Variants in ACTR6 observed in about 807,000 individuals in gnomAD.
The protein encoded by ACTR6 is actin related protein 6.
Under a neutral mutation model 52.5 loss-of-function variants are expected in ACTR6, and 50 were observed. The ratio of observed to expected loss-of-function variants is 0.95; its 90% confidence interval spans 0.76 to 1.20. The LOEUF is 1.20. Ranked by LOEUF, ACTR6 falls within the 50% of genes most tolerant of loss-of-function variation. The pLI, the probability that ACTR6 is intolerant of heterozygous loss-of-function variation, is 0.00. For missense variants in ACTR6, 344 were observed against 472.4 expected, an observed-to-expected ratio of 0.73 and a Z score of 2.52; for synonymous variants, 135 against 147.2, an observed-to-expected ratio of 0.92 and a Z score of 0.60.
intron 3 of ACTR6, chr12:100,206,287 T>A (rs2096114561): frequency 6.6e-6 from 1 of 152,234 alleles, no homozygotes; most frequent in Non-Finnish European, 1.5e-5. Context: ...GAGACCAGCC[T>A]GGCCAACTGG....
intron 10 of ACTR6, among the ~76,000 whole-genome samples, chr12:100,221,265 A>G (rs1283217819): frequency 1.3e-5 from 2 of 152,194 alleles, no homozygotes; most frequent in Non-Finnish European, 2.9e-5. Context: ...AAGACCCCAC[A>G]TACCTGACTC....
chr12:100,222,821 G>C (rs2096129361), intron 10 of ACTR6, among the ~76,000 whole-genome samples: 1 of 152,174 alleles, frequency 6.6e-6, no homozygotes, highest in South Asian at 2.1e-4. Flanking sequence ...GTTGTAGATA[G>C]CAAAACCAAA....
intron 8 of ACTR6, among the ~76,000 whole-genome samples, chr12:100,216,667 T>G (rs530066737): frequency 1.3e-5 from 2 of 152,336 alleles, no homozygotes; most frequent in African/African-American, 4.8e-5. Context: ...TTATTTTGAA[T>G]GTTGATAAAA....
chr12:100,223,930 T>A lies in ACTR6; in HGVS notation c.*15T>A, dbSNP rs780395854. Reference sequence around the variant, plus strand: ...TTGATATTTAAGCAACATTTTTGAATGAAAGTTGTGACCATAAGGTTTAAT... The same window carrying A: ...TTGATATTTAAGCAACATTTTTGAAAGAAAGTTGTGACCATAAGGTTTAAT... On this transcript the variant is annotated 3_prime_UTR_variant, in exon 11 of 11. Transcript: ENST00000188312. 22 of 1,600,022 alleles carry A rather than the reference T, an allele frequency of 1.4e-5. No individual in the cohort carries two copies. The South Asian group carries it at 2.5e-4, about 18-fold the overall frequency.
intron 1 of ACTR6, 46 bp downstream of exon 1, chr12:100,200,965 G>A: frequency 1.2e-6 from 2 of 1,613,390 alleles, no homozygotes; most frequent in Non-Finnish European, 1.7e-6. Context: ...ACGCCTAGTG[G>A]TTTCATGTGC....
rs745981618 is a variant in ACTR6, at chr12:100,220,098, G to A, written c.1013G>A (p.Arg338Gln). ...GFRDRVYSEV[R>Q]CLTPTDYDVS... ...AGGGATCGGGTTTACTCAGAAGTTC[G>A]ATGTCTTACTCCAACAGATTATGAT... Residue 338 changes from arginine (R) to glutamine (Q), a missense_variant, in exon 10 of 11, where the codon CGA (arginine) becomes CAA (glutamine). Arg to Gln is a conservative substitution (Grantham distance 43). Transcript: ENST00000188312. The A allele has an allele frequency of 8.1e-6, 13 of 1,613,800 alleles. No homozygotes were observed. In the South Asian group the frequency reaches 9.9e-5, roughly 12 times the overall value.
intron 10 of ACTR6, among the ~76,000 whole-genome samples, chr12:100,220,637 C>A (rs1355107912): frequency 6.6e-6 from 1 of 152,114 alleles, no homozygotes; most frequent in African/African-American, 2.4e-5. Context: ...TGTTTTATGT[C>A]TACCCTGTAC....
rs755709664 is a variant in ACTR6 at position 100,219,983 on chromosome 12, TC to T, written c.923-23del. The stretch of plus-strand genomic sequence containing the variant: ...AGATTTTCTAATGCCTTTTTTCCTT[TC>T]CTTCTCCTTTTCTTCTTTTAAAGAA... On this transcript the variant is annotated intron_variant, in intron 9 of 10. Coordinates refer to ENST00000188312, the MANE Select transcript of ACTR6 (RefSeq NM_022496.5). 2.5e-5 allele frequency: 40 copies of T among 1,609,266 alleles called. No individual in the cohort carries two copies. In the African/African-American group the frequency reaches 5.2e-4, roughly 21 times the overall value.
In ACTR6 at chr12:100,205,021, C is replaced by A. The variant is rs779535184; in HGVS notation, c.150C>A (p.Asp50Glu). Residue 50 changes from aspartate (D) to glutamate (E), a missense_variant, in exon 2 of 11, where the codon GAC becomes GAA. By Grantham distance (45) the Asp-to-Glu change is conservative (BLOSUM62 2). Coordinates refer to ENST00000188312, the MANE Select transcript of ACTR6 (RefSeq NM_022496.5). ...CCAACCAGATAGATGAAATAAAAGACCCTTCTGGACTCTTTTACATCCTCC... is the reference window on the plus strand; with the variant it reads ...CCAACCAGATAGATGAAATAAAAGAACCTTCTGGACTCTTTTACATCCTCC... ...FTANQIDEIK[D>E]PSGLFYILPF... The A allele has an allele frequency of 1.2e-6, 2 of 1,607,532 alleles. No homozygotes were observed. The highest frequency in any genetic ancestry group is 1.7e-6 in the Non-Finnish European group (2 of 1,175,240).
At chr12:100,201,220 T>C (rs1300769475) in intron 1 of ACTR6, among the ~76,000 whole-genome samples, 1 of 152,222 alleles carries the variant, frequency 6.6e-6, no homozygotes, top group Admixed American at 6.5e-5. Context: ...GTAAAGTTCA[T>C]CAGCCTTTGG....
chr12:100,223,958 C>G lies in ACTR6; in HGVS notation c.*43C>G, dbSNP rs777640247. 22 of 1,573,616 alleles carry G rather than the reference C, an allele frequency of 1.4e-5. No individual in the cohort carries two copies. The Admixed American group carries it at 2.4e-4, about 17-fold the overall frequency. On this transcript the variant is annotated 3_prime_UTR_variant, in exon 11 of 11. Transcript: ENST00000188312. ...AAGTTGTGACCATAAGGTTTAATTTCAAAGTTCCTTTTAAAAGAGGTTAAG... is the reference window on the plus strand; with the variant it reads ...AAGTTGTGACCATAAGGTTTAATTTGAAAGTTCCTTTTAAAAGAGGTTAAG...
At position 100,200,816 on chromosome 12, in the gene ACTR6, G is replaced by A. The variant is rs770636787; in HGVS notation, c.-36G>A. 4.3e-6 allele frequency: 7 copies of A among 1,612,162 alleles called. No homozygotes were observed. In the African/African-American group the frequency reaches 9.3e-5, roughly 22 times the overall value. On this transcript the variant is annotated 5_prime_UTR_variant, in exon 1 of 11. Coordinates refer to ENST00000188312, the MANE Select transcript of ACTR6 (RefSeq NM_022496.5). ...AGCTCGAGCAGAGGGGTCGGAAAGG[G>A]AAAACAACTACGGCTGCGGTGTGGT...
At position 100,212,297 on chromosome 12, in the gene ACTR6, T is replaced by A. The variant is rs754049145; in HGVS notation, c.614T>A (p.Val205Glu). The A allele has an allele frequency of 1.2e-6, 2 of 1,612,054 alleles. No homozygotes were observed. Among genetic ancestry groups the A allele is most frequent in the Admixed American group, 3.4e-5 (2 of 59,670 alleles). The change falls in exon 7 of 11, where the codon GTG (valine) becomes GAG (glutamate). Residue 205 changes from valine (V) to glutamate (E), a missense_variant. Val to Glu is a moderately radical substitution (Grantham distance 121, BLOSUM62 -2). Coordinates refer to ENST00000188312, the MANE Select transcript of ACTR6 (RefSeq NM_022496.5). ...GATGAAACACATGTGATTAATCAAG[T>A]GAAAGAAGATGTATGCTATGTGTCT... ...VMDETHVINQ[V>E]KEDVCYVSQD...
intron 8 of ACTR6, among the ~76,000 whole-genome samples, chr12:100,217,723 G>A (rs537997174): frequency 1.3e-5 from 2 of 152,104 alleles, no homozygotes; most frequent in East Asian, 3.9e-4. Flanking sequence ...TACATCATTT[G>A]GAAACTAATT....
intron 3 of ACTR6, 42 bp from the exon 4 acceptor site, chr12:100,207,618 TATC>T (rs1282422368): frequency 3.6e-6 from 5 of 1,371,464 alleles, no homozygotes; most frequent in Non-Finnish European, 3.9e-6. Context: ...AAGTGTTAAT[TATC>T]ATTACAAATT....
In ACTR6 at chr12:100,210,188, G is replaced by C. The variant is rs781611908; in HGVS notation, c.495G>C (p.Lys165Asn). Residue 165 changes from lysine (K) to asparagine (N), a missense_variant, in exon 5 of 11, where the codon AAG becomes AAC. Lys to Asn is a moderately conservative substitution (Grantham distance 94). Coordinates refer to ENST00000188312, the MANE Select transcript of ACTR6 (RefSeq NM_022496.5). ...THIVPYCRSK[K>N]KKEAIIRINV... The stretch of plus-strand genomic sequence containing the variant: ...TAGTTCCTTATTGTAGAAGTAAAAA[G>C]AAAAAAGAAGCAATTATTCGGTGAG... The C allele has an allele frequency of 2.9e-5, 46 of 1,603,644 alleles. No homozygotes were observed. The South Asian group carries it at 4.1e-4, about 14-fold the overall frequency.
chr12:100,223,548 T>C lies in ACTR6; in HGVS notation c.1062-238T>C, dbSNP rs111947441. ...TTCAGGACATAGGGAAAAAGGAACA[T>C]TTACTATTTTGTAGCGGTAAACAAG... On this transcript the variant is annotated intron_variant, in intron 10 of 10. Transcript: ENST00000188312. 7.1e-3 allele frequency among the ~76,000 whole-genome samples: 1,087 copies of C among 152,310 alleles called. 13 individuals are homozygous for C. The highest frequency in any genetic ancestry group is 0.025 in the African/African-American group (1,035 of 41,566).
chr12:100,215,285 C>G (rs981188652), intron 8 of ACTR6, among the ~76,000 whole-genome samples: 1 of 152,194 alleles, frequency 6.6e-6, no homozygotes, highest in South Asian at 2.1e-4. Flanking sequence ...TTTAGAAAAA[C>G]TCTCCTTCCC....
intron 8 of ACTR6, 61 bp downstream of exon 8, chr12:100,212,589 T>C (rs1341709076): frequency 7.7e-7 from 1 of 1,296,912 alleles, no homozygotes; most frequent in Non-Finnish European, 1.1e-6. Context: ...TCCCAGCACT[T>C]GGGGAGGCTA....
Sources: gnomAD v4.1 joint callset for allele counts (sites outside exome capture counted in the v4.1 genomes callset) on GRCh38, gnomAD v4.1.1 for gene constraint, MANE v1.5 for transcripts, NCBI Gene and HGNC (gene_info 2026-07-23, HGNC 2026-07-21) for gene names.